Variants in PPHLN1 observed in about 807,000 individuals in gnomAD.
PPHLN1 encodes periphilin-1.
In PPHLN1, 29 loss-of-function variants were observed where a neutral mutation model predicts 51.3. That is an observed-to-expected ratio of 0.57 (90% CI 0.42 to 0.77). The LOEUF is 0.77. Among genes scored for constraint, PPHLN1 ranks in the 30% least tolerant of loss-of-function variants. The pLI, the probability that PPHLN1 is intolerant of heterozygous loss-of-function variation, is 0.00. For synonymous variants in PPHLN1, 147 were observed against 147.8 expected, an observed-to-expected ratio of 0.99 and a Z score of 0.04; for missense variants, 436 against 438.4, an observed-to-expected ratio of 0.99 and a Z score of 0.05.
chr12:42,432,141 C>T lies in PPHLN1; in HGVS notation c.910-9174C>T, dbSNP rs895838666. 6.5e-5 allele frequency: 71 copies of T among 1,095,824 alleles called. No homozygotes were observed. In the East Asian group the frequency reaches 1.3e-3, roughly 20 times the overall value. The allele number at this position is 1,095,824 out of a possible 1,614,324, so 67.9% of individuals were successfully genotyped here. Reference sequence around the variant, plus strand: ...GCATCTCCTGCTGTCACGCTGATGTCGGCTGTCTCGATCATCTTCTTCAAT... The same window carrying T: ...GCATCTCCTGCTGTCACGCTGATGTTGGCTGTCTCGATCATCTTCTTCAAT... On this transcript the variant is annotated intron_variant, in intron 9 of 9. Coordinates refer to ENST00000358314, the MANE Select transcript of PPHLN1 (RefSeq NM_201439.2).
chr12:42,439,273 T>A (rs1566041470), intron 9 of PPHLN1, among the ~76,000 whole-genome samples: 1 of 152,250 alleles, frequency 6.6e-6, no homozygotes, highest in East Asian at 1.9e-4. Flanking sequence ...GATAACCAGT[T>A]GTTCAAGTAC....
At chr12:42,378,345 A>G (rs981706459) in intron 5 of PPHLN1, among the ~76,000 whole-genome samples, 3 of 152,114 alleles carry the variant, frequency 2.0e-5, no homozygotes, top group African/African-American at 7.2e-5. Flanking sequence ...TTAAACAATA[A>G]ATGGGAAAAG....
intron 4 of PPHLN1, among the ~76,000 whole-genome samples, chr12:42,371,240 C>T (rs1023868540): frequency 1.3e-5 from 2 of 151,454 alleles, no homozygotes; most frequent in African/African-American, 4.9e-5. Flanking sequence ...CCGCCTCAGC[C>T]CCCTGAATAG....
At chr12:42,420,605 A>C (rs923679300) in intron 9 of PPHLN1, among the ~76,000 whole-genome samples, 1 of 150,584 alleles carries the variant, frequency 6.6e-6, no homozygotes, top group Non-Finnish European at 1.5e-5. Context: ...TGAGTAGCTG[A>C]GATTACAAGT....
chr12:42,371,122 T>G (rs936132875), intron 4 of PPHLN1, among the ~76,000 whole-genome samples: 4 of 136,932 alleles, frequency 2.9e-5, no homozygotes, highest in Admixed American at 2.2e-4. Context: ...TTTTTTTTTT[T>G]TTTTTTTTTT....
intron 9 of PPHLN1, among the ~76,000 whole-genome samples, chr12:42,424,092 G>A (rs1035778001): frequency 2.0e-5 from 3 of 152,140 alleles, no homozygotes; most frequent in African/African-American, 4.8e-5. Context: ...TCATGATGGC[G>A]TTTCTGCCAA....
At chr12:42,417,712 A>G (rs1387585690) in intron 9 of PPHLN1, among the ~76,000 whole-genome samples, 1 of 60,520 alleles carries the variant, frequency 1.7e-5, no homozygotes, top group Non-Finnish European at 4.1e-5. Context: ...GATTTTATAG[A>G]AAAAAAAAAT....
At chr12:42,372,171 C>G (rs1337602846) in intron 4 of PPHLN1, among the ~76,000 whole-genome samples, 1 of 151,658 alleles carries the variant, frequency 6.6e-6, no homozygotes, top group Non-Finnish European at 1.5e-5. Context: ...AATATTACCA[C>G]TTTATCAAAA....
chr12:42,387,274 T>C (rs1266032057), intron 6 of PPHLN1, 182 bp from the exon 7 acceptor site: 6 of 536,894 alleles, frequency 1.1e-5, no homozygotes, highest in African/African-American at 2.0e-5. Flanking sequence ...TATTTCAGAT[T>C]GTTGATGGTG....
intron 1 of PPHLN1, among the ~76,000 whole-genome samples, chr12:42,332,986 T>C (rs1467174004): frequency 6.6e-6 from 1 of 152,152 alleles, no homozygotes; most frequent in East Asian, 1.9e-4. Context: ...ATAGTATATA[T>C]ACATTATGCA....
intron 4 of PPHLN1, among the ~76,000 whole-genome samples, chr12:42,366,944 T>C (rs2075329377): frequency 6.6e-6 from 1 of 152,184 alleles, no homozygotes; most frequent in Non-Finnish European, 1.5e-5. Flanking sequence ...GCCTTTCTTA[T>C]CTTCATGAAC....
intron 1 of PPHLN1, among the ~76,000 whole-genome samples, chr12:42,328,197 T>C (rs1030699581): frequency 4.6e-5 from 7 of 152,118 alleles, no homozygotes; most frequent in African/African-American, 1.7e-4. Context: ...GAAAAAGATA[T>C]CCCGTTTGGA....
At chr12:42,336,021 A>G in intron 2 of PPHLN1, 47 bp downstream of exon 2, 1 of 1,299,196 alleles carries the variant, frequency 7.7e-7, no homozygotes, top group Non-Finnish European at 1.1e-6. Flanking sequence ...TGGTGTCTGA[A>G]TTAATTTGAT....
chr12:42,437,331 CCAT>C (rs968163503), intron 9 of PPHLN1, among the ~76,000 whole-genome samples: 8 of 152,194 alleles, frequency 5.3e-5, no homozygotes, highest in African/African-American at 1.7e-4. Context: ...TCTCCTCTTT[CCAT>C]CATCATCACT....
intron 9 of PPHLN1, among the ~76,000 whole-genome samples, chr12:42,408,491 A>G (rs1251593498): frequency 6.6e-6 from 1 of 152,100 alleles, no homozygotes; most frequent in Non-Finnish European, 1.5e-5. Context: ...CAGTAGAAGG[A>G]TTAACAGAGA....
intron 9 of PPHLN1, among the ~76,000 whole-genome samples, chr12:42,404,888 G>A (rs1281916474): frequency 1.3e-5 from 2 of 151,908 alleles, no homozygotes; most frequent in African/African-American, 2.4e-5. Context: ...TTAGCCGGGC[G>A]TGGTGGCCCA....
chr12:42,374,334 A>T (rs1346558798), intron 4 of PPHLN1, among the ~76,000 whole-genome samples: 1 of 149,728 alleles, frequency 6.7e-6, no homozygotes, highest in Non-Finnish European at 1.5e-5. Flanking sequence ...TTCTGTTCCA[A>T]ACTGAAAAAG....
In PPHLN1 at chr12:42,428,401, T is replaced by C. The variant is rs375020741; in HGVS notation, c.910-12914T>C. Among the ~76,000 whole-genome samples, 18 of 152,362 alleles carry C rather than the reference T, an allele frequency of 1.2e-4. No homozygotes were observed. In the East Asian group the frequency reaches 2.1e-3, roughly 18 times the overall value. ...ACGAGTGGATAAAGAAACTGTGGTA[T>C]GTATATATACAATAGATTACTACTT... On this transcript the variant is annotated intron_variant, in intron 9 of 9. Transcript: ENST00000358314.
rs1232357232 is a variant in PPHLN1 at position 42,404,550 on chromosome 12, C to CAACAACAACAACAACAAA, written c.909+5558_909+5559insCAACAACAACAACAAAAA. 2.4e-3 allele frequency among the ~76,000 whole-genome samples: 362 copies of CAACAACAACAACAACAAA among 152,100 alleles called. 1 individual carries two copies. The highest frequency in any genetic ancestry group is 8.3e-3 in the African/African-American group (346 of 41,478). ...GTCTCAACAACAACAACAACAACAA[C>CAACAACAACAACAACAAA]AAAAATATTTCATAGCAAGTTTGTG... is the stretch of plus-strand genomic sequence containing the variant. On this transcript the variant is annotated intron_variant, in intron 9 of 9. Transcript: ENST00000358314.
Sources: gnomAD v4.1 joint callset for allele counts (sites outside exome capture counted in the v4.1 genomes callset) on GRCh38, gnomAD v4.1.1 for gene constraint, MANE v1.5 for transcripts, NCBI Gene and HGNC (gene_info 2026-07-23, HGNC 2026-07-21) for gene names.